Variants in ARHGEF28 observed in about 807,000 individuals in gnomAD.
ARHGEF28 encodes the protein Rho guanine nucleotide exchange factor 28.
Under a neutral mutation model 206.6 loss-of-function variants are expected in ARHGEF28, and 152 were observed. That is an observed-to-expected ratio of 0.74 (90% confidence interval 0.64 to 0.84). The LOEUF (loss-of-function observed/expected upper bound fraction) is 0.84, where lower values mean the gene tolerates loss of function less well. Among genes scored for constraint, ARHGEF28 ranks in the 40% least tolerant of loss-of-function variants. The probability of loss-of-function intolerance (pLI) is 0.00; values close to 1 mark genes in which losing one functional copy is unlikely to be tolerated. For missense variants in ARHGEF28, 2,028 were observed against 2,073.2 expected, an observed-to-expected ratio of 0.98 and a Z score of 0.42; for synonymous variants, 763 against 776.4, an observed-to-expected ratio of 0.98 and a Z score of 0.29.
At chr5:73,824,087 T>C (rs988983029) in intron 9 of ARHGEF28, among the ~76,000 whole-genome samples, 2 of 152,246 alleles carry the variant, frequency 1.3e-5, no homozygotes, top group African/African-American at 4.8e-5. Context: ...TACTTTTTAA[T>C]GTTTTTCTTC....
intron 9 of ARHGEF28, among the ~76,000 whole-genome samples, chr5:73,808,424 A>G (rs914628337): frequency 1.3e-5 from 2 of 152,166 alleles, no homozygotes; most frequent in African/African-American, 4.8e-5. Flanking sequence ...GTAAGAGCTT[A>G]TAAAGATCTT....
At chr5:73,813,803 C>A (rs2112523377) in intron 9 of ARHGEF28, 1 of 941,544 alleles carries the variant, frequency 1.1e-6, no homozygotes, top group Non-Finnish European at 1.6e-6. Flanking sequence ...AAAACACTCA[C>A]TGTACAGATA....
chr5:73,877,925 A>G (rs1760636910), intron 22 of ARHGEF28, among the ~76,000 whole-genome samples: 1 of 152,228 alleles, frequency 6.6e-6, no homozygotes, highest in African/African-American at 2.4e-5. Flanking sequence ...AGAGTTCTGT[A>G]GATGTCTATT....
chr5:73,897,744 G>T lies in ARHGEF28; in HGVS notation c.3842-218G>T, dbSNP rs532247077. On this transcript the variant is annotated intron_variant, in intron 29 of 35. Transcript: ENST00000513042. The stretch of plus-strand genomic sequence containing the variant: ...CCAGATACTAAGTATTTTGGGTTTT[G>T]TAAATCACACAGTCTCTGGGGTGTG... Among the ~76,000 whole-genome samples the T allele has an allele frequency of 2.4e-4, 36 of 152,338 alleles. No homozygotes were observed. The South Asian group carries it at 6.8e-3, about 29-fold the overall frequency.
At chr5:73,666,502 TG>T (rs1439451871) in intron 1 of ARHGEF28, among the ~76,000 whole-genome samples, 5 of 152,236 alleles carry the variant, frequency 3.3e-5, no homozygotes, top group Non-Finnish European at 7.3e-5. Context: ...GTCCCCAGGC[TG>T]TCCCACGTGT....
chr5:73,659,485 G>C lies in ARHGEF28; in HGVS notation c.-11-25356G>C, dbSNP rs369559424. Among the ~76,000 whole-genome samples the C allele has an allele frequency of 3.8e-4, 58 of 151,666 alleles. 2 individuals carry two copies. Among genetic ancestry groups the C allele is most frequent in the South Asian group, 3.1e-3 (15 of 4,784 alleles). On this transcript the variant is annotated intron_variant, in intron 1 of 35. Coordinates refer to ENST00000513042, the MANE Select transcript of ARHGEF28 (RefSeq NM_001177693.2). ...GTGGAGGTTGCAGTGAGCCGAGATC[G>C]GCCACTGCACTCCAGCCTGGGTGAC...
intron 29 of ARHGEF28, among the ~76,000 whole-genome samples, chr5:73,895,678 C>T (rs1204221110): frequency 2.6e-5 from 4 of 152,126 alleles, no homozygotes; most frequent in African/African-American, 9.7e-5. Context: ...AACCTGCTTT[C>T]GTAAGTTTAG....
intron 24 of ARHGEF28, among the ~76,000 whole-genome samples, chr5:73,884,893 G>A (rs1341489534): frequency 6.6e-6 from 1 of 152,030 alleles, no homozygotes; most frequent in East Asian, 1.9e-4. Context: ...TTTGCTCTTG[G>A]TATGAGCATG....
At chr5:73,914,553 C>T (rs1419486759) in intron 35 of ARHGEF28, among the ~76,000 whole-genome samples, 1 of 151,696 alleles carries the variant, frequency 6.6e-6, no homozygotes, top group African/African-American at 2.4e-5. Context: ...CCCGCCATCA[C>T]ACCTGGCTGA....
At chr5:73,783,397 T>TGC (rs753539340) in intron 7 of ARHGEF28, among the ~76,000 whole-genome samples, 1 of 150,680 alleles carries the variant, frequency 6.6e-6, no homozygotes, top group African/African-American at 2.4e-5. Flanking sequence ...TGTGTGTGTG[T>TGC]GCGCGCTTCT....
chr5:73,920,426 A>G (rs1344455555), intron 35 of ARHGEF28, among the ~76,000 whole-genome samples: 1 of 149,618 alleles, frequency 6.7e-6, no homozygotes, highest in Non-Finnish European at 1.5e-5. Flanking sequence ...TCAGTTCTAG[A>G]GATCATCTTT....
chr5:73,783,560 G>A (rs1178065462), intron 7 of ARHGEF28, among the ~76,000 whole-genome samples: 2 of 152,100 alleles, frequency 1.3e-5, no homozygotes, highest in Admixed American at 6.5e-5. Context: ...GAGGCCTAGT[G>A]GAAGATGGGG....
chr5:73,651,746 TATTCTC>T (rs1162681129), intron 1 of ARHGEF28, among the ~76,000 whole-genome samples: 2 of 152,240 alleles, frequency 1.3e-5, no homozygotes, highest in African/African-American at 4.8e-5. Context: ...GTTTCTGTAT[TATTCTC>T]ATTGTGGGAC....
chr5:73,905,045 A>G (rs1580078631), intron 33 of ARHGEF28: 3 of 152,446 alleles, frequency 2.0e-5, no homozygotes, highest in Non-Finnish European at 4.4e-5. Context: ...GGGGTCCCCA[A>G]ACCCCAGGGT....
At chr5:73,919,833 C>T (rs1032758835) in intron 35 of ARHGEF28, among the ~76,000 whole-genome samples, 6 of 152,132 alleles carry the variant, frequency 3.9e-5, no homozygotes, top group Admixed American at 3.9e-4. Flanking sequence ...TTCAGCATCG[C>T]CAGAAAGCAT....
intron 13 of ARHGEF28, among the ~76,000 whole-genome samples, chr5:73,851,809 A>G (rs1209127175): frequency 1.3e-5 from 2 of 152,210 alleles, no homozygotes; most frequent in Non-Finnish European, 2.9e-5. Context: ...CCTATTACAT[A>G]CAAGATAGTA....
At chr5:73,767,560 T>C (rs1383759925) in intron 4 of ARHGEF28, among the ~76,000 whole-genome samples, 1 of 152,090 alleles carries the variant, frequency 6.6e-6, no homozygotes, top group East Asian at 1.9e-4. Context: ...TCGTGGAATT[T>C]TGAACTTGAG....
rs1000583444 is a variant in ARHGEF28, at chr5:73,885,966, C to G, written c.3172C>G (p.Leu1058Val). The G allele has an allele frequency of 6.2e-7, 1 of 1,613,466 alleles. No individual in the cohort carries two copies. Among genetic ancestry groups the G allele is most frequent in the Admixed American group, 1.7e-5 (1 of 59,946 alleles). ...YEKNQKWLEILNKIENKTYTK... is the reference protein window; with the variant it reads ...YEKNQKWLEIVNKIENKTYTK... ...GAAAAACCAAAAATGGCTTGAGATC[C>G]TAAATAAGATTGAAAACAAAACATA... is the stretch of plus-strand genomic sequence containing the variant. The change falls in exon 25 of 36, where the codon CTA becomes GTA. Residue 1058 changes from leucine to valine, a missense_variant. Physicochemically the swap from Leu to Val is conservative, Grantham distance 32. Coordinates refer to ENST00000513042, the MANE Select transcript of ARHGEF28 (RefSeq NM_001177693.2).
At chr5:73,695,695 C>G (rs1433337667) in intron 2 of ARHGEF28, among the ~76,000 whole-genome samples, 1 of 152,160 alleles carries the variant, frequency 6.6e-6, no homozygotes, top group Non-Finnish European at 1.5e-5. Flanking sequence ...TCATCAAGAC[C>G]TGCTGATGGC....
Sources: allele counts gnomAD v4.1 joint callset (sites outside exome capture counted in the v4.1 genomes callset), GRCh38; gene constraint gnomAD v4.1.1; transcripts MANE v1.5; gene names NCBI Gene and HGNC (gene_info 2026-07-23, HGNC 2026-07-21).